Variants in TTC1 observed in about 807,000 individuals in gnomAD.
The protein encoded by TTC1 is tetratricopeptide repeat domain 1.
Under a neutral mutation model 37.6 loss-of-function variants are expected in TTC1, and 31 were observed. The ratio of observed to expected loss-of-function variants is 0.82; its 90% CI spans 0.62 to 1.11. The LOEUF (loss-of-function observed/expected upper bound fraction) is 1.11. Ranked by LOEUF, TTC1 falls within the 50% of genes most tolerant of loss-of-function variation. The probability of loss-of-function intolerance (pLI) is 0.00; values close to 1 mark genes in which losing one functional copy is unlikely to be tolerated. For missense variants in TTC1, 351 were observed against 339.0 expected (o/e 1.04, Z -0.28); for synonymous variants, 127 against 122.4 (o/e 1.04, Z -0.25).
intron 7 of TTC1, among the ~76,000 whole-genome samples, chr5:160,055,919 C>T (rs993386088): frequency 1.1e-4 from 16 of 152,248 alleles, no homozygotes; most frequent in African/African-American, 3.9e-4. Flanking sequence ...GTTCAGATCT[C>T]AGCTCTCTAT....
intron 5 of TTC1, among the ~76,000 whole-genome samples, chr5:160,045,170 G>A (rs1757182006): frequency 6.6e-6 from 1 of 152,134 alleles, no homozygotes; most frequent in Non-Finnish European, 1.5e-5. Context: ...TGCCTTGTAA[G>A]CGTGATTAGC....
intron 2 of TTC1, among the ~76,000 whole-genome samples, chr5:160,034,282 A>T (rs1037499687): frequency 6.6e-6 from 1 of 152,146 alleles, no homozygotes; most frequent in African/African-American, 2.4e-5. Context: ...GTTCCACAAA[A>T]AAGTGCACAC....
intron 2 of TTC1, 80 bp from the exon 3 acceptor site, chr5:160,035,060 T>C (rs1235924826): frequency 1.6e-6 from 2 of 1,246,914 alleles, no homozygotes; most frequent in African/African-American, 3.1e-5. Flanking sequence ...TTAAATAGAC[T>C]TGTGCATAAG....
At chr5:160,012,415 A>G (rs921765347) in intron 2 of TTC1, among the ~76,000 whole-genome samples, 1 of 151,262 alleles carries the variant, frequency 6.6e-6, no homozygotes, top group Admixed American at 6.6e-5. Flanking sequence ...TCCAGGCTGG[A>G]GTGCAGTGAT....
At chr5:160,041,384 C>T (rs1471036143) in intron 4 of TTC1, among the ~76,000 whole-genome samples, 1 of 148,938 alleles carries the variant, frequency 6.7e-6, no homozygotes, top group East Asian at 2.0e-4. Flanking sequence ...TGTCTCAGCT[C>T]ACTGCAACCT....
chr5:160,040,652 C>G (rs1047815016), intron 4 of TTC1, among the ~76,000 whole-genome samples: 1 of 152,150 alleles, frequency 6.6e-6, no homozygotes, highest in African/African-American at 2.4e-5. Flanking sequence ...AGTCATCGCT[C>G]ACTACAGCCT....
In TTC1 at chr5:160,035,078, C is replaced by T. The variant is rs1014842813; in HGVS notation, c.331-62C>T. 13 of 1,427,770 alleles carry T rather than the reference C, an allele frequency of 9.1e-6. No homozygotes were observed. The East Asian group carries it at 1.5e-4, about 17-fold the overall frequency. 88.4% of individuals were successfully genotyped at this position (1,427,770 alleles called of 1,614,324 possible). On this transcript the variant is annotated intron_variant, in intron 2 of 7. Transcript: ENST00000231238. ...AATAGACTTGTGCATAAGGAAAGCTCACCTTTTTGTTCACTTATAATAATA... is the reference window on the plus strand; with the variant it reads ...AATAGACTTGTGCATAAGGAAAGCTTACCTTTTTGTTCACTTATAATAATA...
intron 2 of TTC1, among the ~76,000 whole-genome samples, chr5:160,030,773 A>G (rs924712111): frequency 6.6e-6 from 1 of 152,180 alleles, no homozygotes; most frequent in African/African-American, 2.4e-5. Flanking sequence ...TTCCATTTCT[A>G]TGGAAGTATA....
chr5:160,047,998 C>CT (rs1757296668), intron 5 of TTC1, among the ~76,000 whole-genome samples: 1 of 152,000 alleles, frequency 6.6e-6, no homozygotes, highest in Admixed American at 6.6e-5. Context: ...TTGTTTCCCA[C>CT]TATAGCCCAG....
chr5:160,051,105 C>A (rs1198739097), intron 6 of TTC1, 24 bp from the exon 7 acceptor site: 6 of 1,556,352 alleles, frequency 3.9e-6, no homozygotes, highest in South Asian at 1.2e-5. Context: ...TTTTACCAAC[C>A]CTTGTTTCTC....
intron 7 of TTC1, among the ~76,000 whole-genome samples, chr5:160,059,874 C>T (rs549480706): frequency 6.6e-6 from 1 of 152,284 alleles, no homozygotes; most frequent in South Asian, 2.1e-4. Flanking sequence ...GAAATGAGCA[C>T]GTGCTATTGG....
intron 2 of TTC1, among the ~76,000 whole-genome samples, chr5:160,032,844 G>C (rs1756936094): frequency 6.6e-6 from 1 of 150,640 alleles, no homozygotes. Context: ...CTCCTGAGTA[G>C]CTGGGACTAC....
At chr5:160,051,084 T>TG in intron 6 of TTC1, 45 bp from the exon 7 acceptor site, 8 of 375,546 alleles carry the variant, frequency 2.1e-5, no homozygotes, top group Non-Finnish European at 2.6e-5. Flanking sequence ...AGGTTTTGGT[T>TG]TTTTTTTTTT....
intron 7 of TTC1, among the ~76,000 whole-genome samples, chr5:160,053,580 T>G (rs1757467269): frequency 1.3e-5 from 2 of 152,124 alleles, no homozygotes; most frequent in Non-Finnish European, 2.9e-5. Flanking sequence ...AAAAGAAAAT[T>G]ATAAAATCAG....
intron 2 of TTC1, among the ~76,000 whole-genome samples, chr5:160,034,842 G>C (rs1756974598): frequency 6.6e-6 from 1 of 152,192 alleles, no homozygotes; most frequent in Non-Finnish European, 1.5e-5. Flanking sequence ...TGAGTAAGTA[G>C]AAATTAAGTG....
intron 2 of TTC1, among the ~76,000 whole-genome samples, chr5:160,014,544 C>G (rs185743726): frequency 4.6e-5 from 7 of 151,344 alleles, no homozygotes; most frequent in African/African-American, 1.7e-4. Flanking sequence ...TTTAAAAAGC[C>G]TTTAAAAATA....
chr5:160,060,801 C>A (rs926644111), intron 7 of TTC1, among the ~76,000 whole-genome samples: 2 of 152,202 alleles, frequency 1.3e-5, no homozygotes, highest in Admixed American at 1.3e-4. Context: ...TTTTCAGTCA[C>A]CAAAAACTTG....
intron 2 of TTC1, among the ~76,000 whole-genome samples, chr5:160,034,189 T>C (rs1756965638): frequency 6.6e-6 from 1 of 151,832 alleles, no homozygotes; most frequent in Non-Finnish European, 1.5e-5. Flanking sequence ...GTTTTTTTGT[T>C]GTTTTTGTTT....
At chr5:160,062,624 C>G (rs1425847400) in intron 7 of TTC1, among the ~76,000 whole-genome samples, 1 of 152,166 alleles carries the variant, frequency 6.6e-6, no homozygotes, top group Non-Finnish European at 1.5e-5. Context: ...GCAGTGATCC[C>G]TCCATCCATG....
Sources: allele counts gnomAD v4.1 joint callset (sites outside exome capture counted in the v4.1 genomes callset), GRCh38; gene constraint gnomAD v4.1.1; transcripts MANE v1.5; gene names NCBI Gene and HGNC (gene_info 2026-07-23, HGNC 2026-07-21).